Variants in SPTBN1 observed in about 807,000 individuals in gnomAD.
SPTBN1 encodes spectrin beta chain, non-erythrocytic 1.
SPTBN1 carries 32 observed loss-of-function variants against 266.4 expected under a neutral mutation model. That is an observed-to-expected ratio of 0.12 (90% CI 0.09 to 0.16). The LOEUF (loss-of-function observed/expected upper bound fraction) is 0.16. Ranked by LOEUF, SPTBN1 falls within the 10% of genes least tolerant of loss-of-function variation. The probability of loss-of-function intolerance (pLI) is 1.00; values close to 1 mark genes in which losing one functional copy is unlikely to be tolerated. For synonymous variants in SPTBN1, 1,336 were observed against 1,162.2 expected, an observed-to-expected ratio of 1.15 and a Z score of -3.04; for missense variants, 2,296 against 3,067.1, an observed-to-expected ratio of 0.75 and a Z score of 5.94.
At position 54,664,866 on chromosome 2, in the gene SPTBN1, G is replaced by T; in HGVS notation, c.6659+175G>T. ...GCTGGAAAGCAGGAGTAGAATGCTG[G>T]TTATTCACTGAGAGAAGAAGAGTTG... On this transcript the variant is annotated intron_variant, in intron 33 of 35. Transcript: ENST00000356805. This position sits in a 1 kb window ranked among gnomAD's most constrained non-coding sequence, Gnocchi z 5.6. The T allele has an allele frequency of 3.0e-6, 2 of 657,034 alleles. No homozygotes were observed. Among genetic ancestry groups the T allele is most frequent in the Non-Finnish European group, 5.1e-6 (2 of 393,132 alleles). The allele number at this position is 657,034 out of a possible 1,614,324, so 40.7% of individuals were successfully genotyped here. A position where few individuals can be genotyped will look rare whatever the true frequency, so the allele number is the denominator to read the frequency against.
chr2:54,476,781 T>C (rs1012943720), intron 1 of SPTBN1, among the ~76,000 whole-genome samples: 9 of 152,266 alleles, frequency 5.9e-5, no homozygotes, highest in African/African-American at 2.2e-4. Context: ...TTAAAAGAGT[T>C]GACTATTTGA....
Position 54,524,480 on chromosome 2 carries a change from C to T in SPTBN1, c.-47-1892C>T, listed in dbSNP as rs1253981600. 2.0e-5 allele frequency among the ~76,000 whole-genome samples: 3 copies of T among 152,132 alleles called. No homozygotes were observed. In the East Asian group the frequency reaches 5.8e-4, roughly 29 times the overall value. On this transcript the variant is annotated intron_variant, in intron 1 of 35. Coordinates refer to ENST00000356805, the MANE Select transcript of SPTBN1 (RefSeq NM_003128.3). ...CTTCACCAGGCCCTGTCAGTTCTCC[C>T]TCCAAAGCACATCCACCTCTAAGCA...
At chr2:54,485,851 T>C (rs1668345093) in intron 1 of SPTBN1, among the ~76,000 whole-genome samples, 1 of 148,304 alleles carries the variant, frequency 6.7e-6, no homozygotes, top group Non-Finnish European at 1.5e-5. Flanking sequence ...CCGCCCTGTC[T>C]GGGATGTGAG....
chr2:54,523,782 G>A lies in SPTBN1; in HGVS notation c.-47-2590G>A, dbSNP rs141667844. On this transcript the variant is annotated intron_variant, in intron 1 of 35. Coordinates refer to ENST00000356805, the MANE Select transcript of SPTBN1 (RefSeq NM_003128.3). The stretch of plus-strand genomic sequence containing the variant: ...GAGTGGTGTCTGGTTTGGTTAGCAC[G>A]CAGGCTGTGGTGAGGAGGCCTGCTG... 1.2e-3 allele frequency among the ~76,000 whole-genome samples: 178 copies of A among 152,286 alleles called. 1 individual carries two copies. The highest frequency in any genetic ancestry group is 4.1e-3 in the African/African-American group (170 of 41,552).
intron 1 of SPTBN1, among the ~76,000 whole-genome samples, chr2:54,478,879 T>G (rs1667972805): frequency 6.6e-6 from 1 of 151,426 alleles, no homozygotes; most frequent in Admixed American, 6.6e-5. Flanking sequence ...AAAAGATGTA[T>G]GTACGTATAT....
intron 1 of SPTBN1, among the ~76,000 whole-genome samples, chr2:54,468,096 C>T (rs916693535): frequency 1.3e-5 from 2 of 152,016 alleles, no homozygotes; most frequent in Non-Finnish European, 2.9e-5. Context: ...ATCATGAGGT[C>T]AGGAGTTTGA....
rs61111850 is a variant in SPTBN1 at position 54,579,455 on chromosome 2, A to G, written c.149-19637A>G. Among the ~76,000 whole-genome samples the G allele has an allele frequency of 4.8e-3, 729 of 152,304 alleles. 8 individuals are homozygous for G. Among genetic ancestry groups the G allele is most frequent in the African/African-American group, 0.017 (697 of 41,562 alleles). On this transcript the variant is annotated intron_variant, in intron 2 of 35. Coordinates refer to ENST00000356805, the MANE Select transcript of SPTBN1 (RefSeq NM_003128.3). Reference sequence around the variant, plus strand: ...AACTCCCCATCTTTCACACTCACCCATAGGGACCGTGGCCCCCAATGAGGG... The same window carrying G: ...AACTCCCCATCTTTCACACTCACCCGTAGGGACCGTGGCCCCCAATGAGGG...
chr2:54,572,449 C>T (rs1476983810), intron 2 of SPTBN1, among the ~76,000 whole-genome samples: 2 of 152,264 alleles, frequency 1.3e-5, no homozygotes, highest in East Asian at 3.9e-4. Context: ...ACAGAGATAA[C>T]AGTGTGAGTA....
In SPTBN1 at chr2:54,632,556, T is replaced by C. The variant is rs886219645; in HGVS notation, c.3565-10T>C. 1.9e-5 allele frequency: 31 copies of C among 1,613,924 alleles called. No individual in the cohort carries two copies. The highest frequency in any genetic ancestry group is 2.3e-5 in the Non-Finnish European group (27 of 1,179,902). The stretch of plus-strand genomic sequence containing the variant: ...TGATCTGCTATGATTTGTTCCTCTT[T>C]TTAAATAAGGAGTATGTTCTGGCTC... On this transcript the variant is annotated splice_polypyrimidine_tract_variant and intron_variant, in intron 16 of 35. Transcript: ENST00000356805.
chr2:54,655,721 G>A (rs1454190625), intron 28 of SPTBN1, among the ~76,000 whole-genome samples, 193 bp from the exon 29 acceptor site: 2 of 152,212 alleles, frequency 1.3e-5, no homozygotes, highest in Non-Finnish European at 2.9e-5. Flanking sequence ...CCTTCCTCCA[G>A]CCCCTTCTGG....
intron 1 of SPTBN1, among the ~76,000 whole-genome samples, chr2:54,480,037 T>C (rs1668022389): frequency 6.6e-6 from 1 of 152,220 alleles, no homozygotes; most frequent in Non-Finnish European, 1.5e-5. Context: ...AATTGCTTGC[T>C]TTATCTGAGC....
intron 2 of SPTBN1, among the ~76,000 whole-genome samples, chr2:54,573,137 C>A (rs1452763804): frequency 6.6e-6 from 1 of 152,178 alleles, no homozygotes. Flanking sequence ...GATCTTTGCT[C>A]CCTCTTTGCT....
At chr2:54,482,597 T>G (rs1668156381) in intron 1 of SPTBN1, among the ~76,000 whole-genome samples, 1 of 152,214 alleles carries the variant, frequency 6.6e-6, no homozygotes, top group Non-Finnish European at 1.5e-5. Flanking sequence ...AAGTTACTTA[T>G]GTTTATGTGA....
chr2:54,665,910 C>T lies in SPTBN1; in HGVS notation c.6660-5C>T, dbSNP rs375270517. Reference sequence around the variant, plus strand: ...TCCCCCTGCCCTTTTTTTTAAACTGCACAGGTCCTGGCACAATGTTTATTG... The same window carrying T: ...TCCCCCTGCCCTTTTTTTTAAACTGTACAGGTCCTGGCACAATGTTTATTG... On this transcript the variant is annotated splice_polypyrimidine_tract_variant and splice_region_variant and intron_variant, in intron 33 of 35. Transcript: ENST00000356805. The T allele has an allele frequency of 1.2e-6, 2 of 1,607,074 alleles. No individual in the cohort carries two copies. The highest frequency in any genetic ancestry group is 1.7e-6 in the Non-Finnish European group (2 of 1,177,696).
chr2:54,469,182 C>T (rs996994173), intron 1 of SPTBN1, among the ~76,000 whole-genome samples: 3 of 152,124 alleles, frequency 2.0e-5, no homozygotes, highest in South Asian at 2.1e-4. Flanking sequence ...CTCTAGTATT[C>T]GGCTTCTTTC....
intron 3 of SPTBN1, among the ~76,000 whole-genome samples, chr2:54,603,805 G>A (rs1234919312): frequency 6.6e-6 from 1 of 152,142 alleles, no homozygotes; most frequent in African/African-American, 2.4e-5. Context: ...TTGTGAATGT[G>A]TATAGCAAAA....
intron 1 of SPTBN1, among the ~76,000 whole-genome samples, chr2:54,514,936 T>C (rs1026859615): frequency 1.2e-4 from 18 of 152,216 alleles, no homozygotes; most frequent in African/African-American, 3.9e-4. Context: ...AGATTGCTTT[T>C]GTAGGACTAG....
At chr2:54,502,331 A>G (rs1374374312) in intron 1 of SPTBN1, among the ~76,000 whole-genome samples, 2 of 152,214 alleles carry the variant, frequency 1.3e-5, no homozygotes, top group Non-Finnish European at 2.9e-5. Flanking sequence ...AGCTGGCATC[A>G]ATTTAGTGCT....
chr2:54,560,934 AC>A (rs1280146942), intron 2 of SPTBN1, among the ~76,000 whole-genome samples: 1 of 151,958 alleles, frequency 6.6e-6, no homozygotes, highest in East Asian at 1.9e-4. Flanking sequence ...CACACACAAA[AC>A]CTTTCTTTAA....
Sources: gnomAD v4.1 joint callset for allele counts (sites outside exome capture counted in the v4.1 genomes callset) on GRCh38, gnomAD v4.1.1 for gene constraint, Gnocchi (gnomAD v3.1) non-coding constraint, MANE v1.5 for transcripts, NCBI Gene and HGNC (gene_info 2026-07-23, HGNC 2026-07-21) for gene names.